The following NOD2 variants were observed in gnomAD, a reference collection of about 807,000 sequenced individuals.
NOD2 encodes the protein nucleotide-binding oligomerization domain-containing protein 2.
A neutral mutation model predicts 90.9 loss-of-function variants in NOD2; 86 were observed. The observed-to-expected ratio is 0.95, with a 90% CI of 0.79 to 1.13. NOD2 has a LOEUF of 1.13. Ranked by LOEUF, NOD2 falls within the 50% of genes most tolerant of loss-of-function variation. The pLI, the probability that NOD2 is intolerant of heterozygous loss-of-function variation, is 0.00. For synonymous variants in NOD2, 581 were observed against 554.6 expected (o/e 1.05, Z -0.67); for missense variants, 1,238 against 1,283.8 (o/e 0.96, Z 0.55).
chr16:50,729,676 G>A (rs991182490), intron 10 of NOD2, 142 bp from the exon 11 acceptor site: 2 of 681,130 alleles, frequency 2.9e-6, no homozygotes, highest in African/African-American at 3.5e-5. Flanking sequence ...GAGCTCATTG[G>A]GAATCTCAGA....
At position 50,732,092 on chromosome 16, in the gene NOD2, A is replaced by C; in HGVS notation, c.*273A>C. ...GATGTACAAGGACAGCCCCTCCTCC[A>C]TAGTATGGGACTGGCCTCTGCTGAT... On this transcript the variant is annotated 3_prime_UTR_variant, in exon 12 of 12. Transcript: ENST00000647318. 1 of 480,672 alleles carries C rather than the reference A, an allele frequency of 2.1e-6. No individual in the cohort carries two copies. The highest frequency in any genetic ancestry group is 3.9e-6 in the Non-Finnish European group (1 of 259,362). 29.8% of individuals were successfully genotyped at this position (480,672 alleles called of 1,614,324 possible).
chr16:50,731,649 C>A, intron 11 of NOD2, 98 bp from the exon 12 acceptor site: 1 of 858,576 alleles, frequency 1.2e-6, no homozygotes, highest in Non-Finnish European at 2.0e-6. Flanking sequence ...GAGAGTCAGC[C>A]CATCCCAGGC....
rs768389547 is a variant in NOD2 at position 50,711,214 on chromosome 16, A to G, written c.1222A>G (p.Arg408Gly). 5.0e-6 allele frequency: 8 copies of G among 1,613,906 alleles called. No individual in the cohort carries two copies. Among genetic ancestry groups the G allele is most frequent in the Admixed American group, 3.3e-5 (2 of 60,014 alleles). ...SRPAAVSAFL[R>G]KYIRTEFNLK... ...TCCGGCCGCTGTGTCGGCGTTCCTC[A>G]GGAAGTACATCCGCACCGAGTTCAA... is the stretch of plus-strand genomic sequence containing the variant. The change falls in exon 4 of 12, where the codon AGG (arginine) becomes GGG (glycine). Residue 408 changes from arginine to glycine, a missense_variant. Transcript: ENST00000647318.
rs528212276 is a variant in NOD2, at chr16:50,721,027, ACTC to A, written c.2633+1022_2633+1024del. On this transcript the variant is annotated intron_variant, in intron 7 of 11. Transcript: ENST00000647318. ...ACCATGTTGGCCCGGCTGGTCTTGA[ACTC>A]CTGATCTCAGATGATCCGCCCGCCT... 9.4e-5 allele frequency among the ~76,000 whole-genome samples: 14 copies of A among 149,200 alleles called. No homozygotes were observed. In the South Asian group the frequency reaches 3.0e-3, roughly 32 times the overall value.
intron 4 of NOD2, among the ~76,000 whole-genome samples, chr16:50,716,021 G>A (rs1404920048): frequency 1.3e-5 from 2 of 152,208 alleles, no homozygotes; most frequent in African/African-American, 4.8e-5. Flanking sequence ...AGGAGTGGCA[G>A]ACAGGGCTTG....
At chr16:50,700,739 G>A (rs890384234) in intron 2 of NOD2, among the ~76,000 whole-genome samples, 1 of 152,020 alleles carries the variant, frequency 6.6e-6, no homozygotes, top group Admixed American at 6.6e-5. Context: ...TTTTATTTCT[G>A]TCTGTTTTAA....
chr16:50,710,607 T>C lies in NOD2; in HGVS notation c.615T>C (p.Ala205=). 2 of 1,614,204 alleles carry C rather than the reference T, an allele frequency of 1.2e-6. No homozygotes were observed. The highest frequency in any genetic ancestry group is 1.7e-6 in the Non-Finnish European group (2 of 1,180,032). ...CCAAGCTGAGGACCACGGTGTCTGCTCAGTCTCGCTTCCTCAGTACCTATG... is the reference window on the plus strand; with the variant it reads ...CCAAGCTGAGGACCACGGTGTCTGCCCAGTCTCGCTTCCTCAGTACCTATG... ...YMAKLRTTVS[A]QSRFLSTYDG... The change falls in exon 4 of 12, where the codon GCT becomes GCC. Residue 205 remains alanine, a synonymous_variant. Coordinates refer to ENST00000647318, the MANE Select transcript of NOD2 (RefSeq NM_001370466.1).
rs104895453 is a variant in NOD2, at chr16:50,722,678, G to T, written c.2690G>T (p.Gly897Val). Reference sequence around the variant, plus strand: ...GCCCAGGCCCTGGCTGAAGCCTTGGGTGATCACCAGAGCTTGAGGTGGCTC... The same window carrying T: ...GCCCAGGCCCTGGCTGAAGCCTTGGTTGATCACCAGAGCTTGAGGTGGCTC... ...EGAQALAEAL[G>V]DHQSLRWLSL... is the part of the protein sequence containing the mutation. The change falls in exon 8 of 12, where the codon GGT becomes GTT. Residue 897 changes from glycine to valine, a missense_variant. Gly to Val is a moderately radical substitution (Grantham distance 109). Transcript: ENST00000647318. 1 of 1,614,224 alleles carries T rather than the reference G, an allele frequency of 6.2e-7. No homozygotes were observed. Among genetic ancestry groups the T allele is most frequent in the Admixed American group, 1.7e-5 (1 of 60,030 alleles).
At chr16:50,727,390 A>G (rs145294952) in intron 10 of NOD2, 7 of 172,532 alleles carry the variant, frequency 4.1e-5, no homozygotes, top group Non-Finnish European at 7.4e-5. Context: ...GTGGTTTCAG[A>G]CCATGAACTT....
Position 50,707,885 on chromosome 16 carries a change from A to G in NOD2, c.490A>G (p.Lys164Glu). 1 of 1,614,158 alleles carries G rather than the reference A, an allele frequency of 6.2e-7. No homozygotes were observed. Among genetic ancestry groups the G allele is most frequent in the Non-Finnish European group, 8.5e-7 (1 of 1,179,976 alleles). ...ARRLLDLATV[K>E]ANGLAAFLLQ... ...AAGGCTGCTTGATCTTGCCACGGTG[A>G]AAGCGAATGGATTGGCTGCCTTCCT... The change falls in exon 3 of 12, where the codon AAA becomes GAA. Residue 164 changes from lysine to glutamate, a missense_variant. Lys to Glu is a moderately conservative substitution (Grantham distance 56). This residue lies in a region of NOD2 where 567 missense variants were observed against 577.3 expected (regional missense o/e 0.98). Transcript: ENST00000647318.
In NOD2 at chr16:50,699,761, C is replaced by G; in HGVS notation, c.266C>G (p.Ser89Cys). 1 of 1,613,942 alleles carries G rather than the reference C, an allele frequency of 6.2e-7. No homozygotes were observed. The highest frequency in any genetic ancestry group is 2.2e-5 in the East Asian group (1 of 44,876). The change falls in exon 2 of 12, where the codon TCC (serine) becomes TGC (cysteine). Residue 89 changes from serine to cysteine, a missense_variant. Ser to Cys is a moderately radical substitution (Grantham distance 112). Around this residue, in one of 3 missense-constraint regions of NOD2, gnomAD observed 567 missense variants for 577.3 expected, o/e 0.98. Coordinates refer to ENST00000647318, the MANE Select transcript of NOD2 (RefSeq NM_001370466.1). ...AAQEAQADSQ[S>C]PKLHGCWDPH... ...CAAGAAGCCCAGGCCGACAGCCAGT[C>G]CCCCAAGCTGCATGGCTGCTGGGAC...
At chr16:50,715,464 G>A (rs1177482751) in intron 4 of NOD2, 2 of 151,762 alleles carry the variant, frequency 1.3e-5, no homozygotes, top group African/African-American at 4.8e-5. Flanking sequence ...TGCCCAGGCA[G>A]GGGGTACAGT....
intron 4 of NOD2, 33 bp downstream of exon 4, chr16:50,712,406 G>C (rs774038440): frequency 1.2e-6 from 2 of 1,610,988 alleles, no homozygotes; most frequent in South Asian, 2.2e-5. Context: ...GTTCAGGTAT[G>C]GGGGAGCACC....
At chr16:50,723,152 AAAG>A in intron 8 of NOD2, 146 bp from the exon 9 acceptor site, 1 of 641,150 alleles carries the variant, frequency 1.6e-6, no homozygotes, top group Non-Finnish European at 2.7e-6. Flanking sequence ...AAAAAAAAAA[AAAG>A]AAAAAAGAAA....
chr16:50,723,339 C>G lies in NOD2; in HGVS notation c.2756C>G (p.Ala919Gly), dbSNP rs1359353057. The G allele has an allele frequency of 1.9e-6, 3 of 1,613,890 alleles. No individual in the cohort carries two copies. Among genetic ancestry groups the G allele is most frequent in the Non-Finnish European group, 2.5e-6 (3 of 1,179,936 alleles). ...GNNIGSVGAQ[A>G]LALMLAKNVM... ...AACATTGGCAGTGTGGGTGCCCAAG[C>G]CTTGGCACTGATGCTGGCAAAGAAC... Residue 919 changes from alanine to glycine, a missense_variant, in exon 9 of 12, where the codon GCC (alanine) becomes GGC (glycine). By Grantham distance (60) the Ala-to-Gly change is moderately conservative. This residue lies in a region of NOD2 where 667 missense variants were observed against 688.7 expected (regional missense o/e 0.97). Transcript: ENST00000647318.
chr16:50,719,265 T>A (rs1175332237), intron 6 of NOD2, among the ~76,000 whole-genome samples: 1 of 152,186 alleles, frequency 6.6e-6, no homozygotes, highest in Non-Finnish European at 1.5e-5. Flanking sequence ...TGTTGTGAGC[T>A]GAGTGGCTTG....
intron 6 of NOD2, 47 bp downstream of exon 6, chr16:50,717,021 T>C: frequency 6.4e-7 from 1 of 1,559,348 alleles, no homozygotes; most frequent in Non-Finnish European, 8.8e-7. Flanking sequence ...TTTTGCCCCA[T>C]TCCTGAGTCA....
chr16:50,729,745 G>A, intron 10 of NOD2, 73 bp from the exon 11 acceptor site: 1 of 1,310,450 alleles, frequency 7.6e-7, no homozygotes, highest in South Asian at 1.2e-5. Context: ...AACTCCTGCA[G>A]TCTCTTTAAC....
At chr16:50,707,166 G>A (rs1401380291) in intron 2 of NOD2, among the ~76,000 whole-genome samples, 2 of 152,220 alleles carry the variant, frequency 1.3e-5, no homozygotes, top group Non-Finnish European at 2.9e-5. Flanking sequence ...TTTGTGACCT[G>A]CATTTCATTT....
Sources: allele counts gnomAD v4.1 joint callset (sites outside exome capture counted in the v4.1 genomes callset), GRCh38; gene constraint gnomAD v4.1.1; regional missense constraint gnomAD v4.1.1; transcripts MANE v1.5; gene names NCBI Gene and HGNC (gene_info 2026-07-23, HGNC 2026-07-21).